Variants in TEKT5 observed in about 807,000 individuals in gnomAD.
The protein encoded by TEKT5 is tektin 5, also known as tektin-5.
A neutral mutation model predicts 48.7 loss-of-function variants in TEKT5; 52 were observed. The ratio of observed to expected loss-of-function variants is 1.07; its 90% CI spans 0.86 to 1.35. TEKT5 has a LOEUF of 1.35. Ranked by LOEUF, TEKT5 falls within the 40% of genes most tolerant of loss-of-function variation. The pLI, the probability that TEKT5 is intolerant of heterozygous loss-of-function variation, is 0.00. For missense variants in TEKT5, 831 were observed against 641.6 expected (o/e 1.30, Z -3.19); for synonymous variants, 318 against 267.6 (o/e 1.19, Z -1.84).
At chr16:10,684,857 T>A (rs1898832039) in intron 3 of TEKT5, among the ~76,000 whole-genome samples, 1 of 152,152 alleles carries the variant, frequency 6.6e-6, no homozygotes. Flanking sequence ...GAAGAGCCTT[T>A]TCTCACCTGG....
At chr16:10,661,326 T>C (rs1898366626) in intron 5 of TEKT5, among the ~76,000 whole-genome samples, 1 of 152,168 alleles carries the variant, frequency 6.6e-6, no homozygotes, top group Non-Finnish European at 1.5e-5. Flanking sequence ...GAACAATTTC[T>C]GCAGCACCTC....
chr16:10,658,085 T>C (rs908709221), intron 5 of TEKT5, among the ~76,000 whole-genome samples: 6 of 152,240 alleles, frequency 3.9e-5, no homozygotes, highest in Non-Finnish European at 8.8e-5. Flanking sequence ...AATGTGATTA[T>C]TGACTTGTAA....
intron 5 of TEKT5, among the ~76,000 whole-genome samples, chr16:10,642,900 G>A (rs1898015235): frequency 6.6e-6 from 1 of 152,080 alleles, no homozygotes; most frequent in African/African-American, 2.4e-5. Flanking sequence ...CGAGGTGGGA[G>A]GAATAAGTTC....
intron 5 of TEKT5, among the ~76,000 whole-genome samples, chr16:10,670,498 G>A (rs931759027): frequency 3.9e-5 from 6 of 152,152 alleles, no homozygotes; most frequent in South Asian, 2.1e-4. Context: ...CAGCCTGCAC[G>A]ATAGAGTGAG....
intron 1 of TEKT5, 108 bp from the exon 2 acceptor site, chr16:10,690,133 AC>A (rs2142316189): frequency 8.3e-7 from 1 of 1,202,292 alleles, no homozygotes; most frequent in African/African-American, 1.5e-5. Flanking sequence ...TCTCCCGGAA[AC>A]CTGGGTGCTT....
intron 3 of TEKT5, 58 bp from the exon 4 acceptor site, chr16:10,682,194 G>A: frequency 1.3e-6 from 2 of 1,581,366 alleles, no homozygotes; most frequent in African/African-American, 1.3e-5. Context: ...ACCCAGCTTG[G>A]GCCACACAGC....
chr16:10,684,758 C>T (rs1342167753), intron 3 of TEKT5, among the ~76,000 whole-genome samples: 8 of 152,170 alleles, frequency 5.3e-5, no homozygotes, highest in South Asian at 2.1e-4. Context: ...CCTCCCTACT[C>T]GGCCCACAAC....
At chr16:10,632,004 T>C (rs1166727433) in intron 6 of TEKT5, among the ~76,000 whole-genome samples, 2 of 151,420 alleles carry the variant, frequency 1.3e-5, no homozygotes, top group South Asian at 4.3e-4. Flanking sequence ...GTGCTGCGGG[T>C]CCCACCTCTG....
intron 3 of TEKT5, among the ~76,000 whole-genome samples, chr16:10,686,542 A>G (rs1488604987): frequency 6.6e-6 from 1 of 152,192 alleles, no homozygotes; most frequent in Non-Finnish European, 1.5e-5. Flanking sequence ...GAAAAGTTCC[A>G]TGACATTGGT....
At chr16:10,677,899 G>C (rs937072478) in intron 4 of TEKT5, among the ~76,000 whole-genome samples, 2 of 152,184 alleles carry the variant, frequency 1.3e-5, no homozygotes, top group Non-Finnish European at 2.9e-5. Context: ...TCACAGCGTG[G>C]TAGCTGGAGA....
rs919229648 is a variant in TEKT5, at chr16:10,630,266, C to T, written c.1242-2467G>A. Among the ~76,000 whole-genome samples the T allele has an allele frequency of 1.4e-4, 21 of 151,566 alleles. No homozygotes were observed. In the South Asian group the frequency reaches 3.1e-3, roughly 23 times the overall value. On this transcript the variant is annotated intron_variant, in intron 6 of 6. Transcript: ENST00000283025. Reference sequence around the variant, plus strand: ...ATTTTTTTTTTTTTAGACCAGATCTCCCTCTGTCACCTAGGCTGGAGTGTA... The same window carrying T: ...ATTTTTTTTTTTTTAGACCAGATCTTCCTCTGTCACCTAGGCTGGAGTGTA...
At chr16:10,684,585 A>G (rs7187444) in intron 3 of TEKT5, among the ~76,000 whole-genome samples, 63,768 of 151,774 alleles carry the variant, frequency 0.42, 13,898 homozygotes, top group East Asian at 0.62. Flanking sequence ...TCCTGGAGAA[A>G]TGGGGCCCTG....
intron 5 of TEKT5, among the ~76,000 whole-genome samples, chr16:10,673,183 G>A (rs1200425755): frequency 6.6e-6 from 1 of 152,172 alleles, no homozygotes; most frequent in Admixed American, 6.5e-5. Context: ...GATGGTGAGT[G>A]CAAATAAACC....
intron 5 of TEKT5, among the ~76,000 whole-genome samples, chr16:10,653,474 A>G (rs1898204433): frequency 6.6e-6 from 1 of 152,222 alleles, no homozygotes; most frequent in African/African-American, 2.4e-5. Context: ...ATGTAGGTTC[A>G]ATTCCACTTC....
chr16:10,648,998 G>T (rs952626658), intron 5 of TEKT5, among the ~76,000 whole-genome samples: 1 of 152,140 alleles, frequency 6.6e-6, no homozygotes, highest in East Asian at 1.9e-4. Flanking sequence ...TGCCCAGGCT[G>T]GAGTGCAATG....
rs528376382 is a variant in TEKT5 at position 10,627,886 on chromosome 16, A to G, written c.1242-87T>C. The G allele has an allele frequency of 3.3e-5, 43 of 1,299,750 alleles. 2 individuals carry two copies. In the South Asian group the frequency reaches 5.7e-4, roughly 17 times the overall value. 80.5% of individuals were successfully genotyped at this position (1,299,750 alleles called of 1,614,324 possible). A position where few individuals can be genotyped will look rare whatever the true frequency, so the allele number is the denominator to read the frequency against. On this transcript the variant is annotated intron_variant, in intron 6 of 6. Coordinates refer to ENST00000283025, the MANE Select transcript of TEKT5 (RefSeq NM_144674.2). ...GAGACAGAGTCTCACTCTGTCACCC[A>G]GGCTGGAGTGCAGTGGCACAATCTC...
chr16:10,686,368 A>C (rs546818231), intron 3 of TEKT5, among the ~76,000 whole-genome samples: 1 of 152,190 alleles, frequency 6.6e-6, no homozygotes, highest in African/African-American at 2.4e-5. Flanking sequence ...GAAGCAGGAG[A>C]ATCACTTGAA....
At position 10,694,817 on chromosome 16, in the gene TEKT5, A is replaced by T. The variant is rs1359520346; in HGVS notation, c.57T>A (p.Cys19Ter). Residue 19 changes from cysteine to a stop codon, truncating the protein, a stop_gained, in exon 1 of 7, where the codon TGT becomes TGA. Coordinates refer to ENST00000283025, the MANE Select transcript of TEKT5 (RefSeq NM_144674.2). LOFTEE classifies it high-confidence loss of function. ...GTACAGCTGGCAGTGAGGTCAAGCC[A>T]CAGCATTTCTTGGGACCACAGTAAC... is the stretch of plus-strand genomic sequence containing the variant. ...TASYCGPKKC[C>*]GLTSLPAVQA... 2 of 1,606,868 alleles carry T rather than the reference A, an allele frequency of 1.2e-6. No individual in the cohort carries two copies. Among genetic ancestry groups the T allele is most frequent in the Admixed American group, 3.4e-5 (2 of 58,718 alleles).
chr16:10,659,258 G>C (rs1429930442), intron 5 of TEKT5, among the ~76,000 whole-genome samples: 1 of 152,184 alleles, frequency 6.6e-6, no homozygotes, highest in African/African-American at 2.4e-5. Context: ...GATTAATGCA[G>C]TCAAATATCA....
Sources: gnomAD v4.1 joint callset for allele counts (sites outside exome capture counted in the v4.1 genomes callset) on GRCh38, gnomAD v4.1.1 for gene constraint, MANE v1.5 for transcripts, NCBI Gene and HGNC (gene_info 2026-07-23, HGNC 2026-07-21) for gene names.